Variants in FOXP2 observed in about 807,000 individuals in gnomAD.
FOXP2 encodes the protein forkhead box P2.
A neutral mutation model predicts 115.8 loss-of-function variants in FOXP2; 12 were observed. The ratio of observed to expected loss-of-function variants is 0.10; its 90% CI spans 0.07 to 0.17. The LOEUF (loss-of-function observed/expected upper bound fraction) is 0.17. Among genes scored for constraint, FOXP2 ranks in the 10% least tolerant of loss-of-function variants. The pLI, the probability that FOXP2 is intolerant of heterozygous loss-of-function variation, is 1.00. For missense variants in FOXP2, 629 were observed against 843.5 expected (o/e 0.75, Z 3.15); for synonymous variants, 328 against 297.7 (o/e 1.10, Z -1.05).
chr7:114,334,357 G>C (rs987831028), intron 2 of FOXP2, among the ~76,000 whole-genome samples: 1 of 146,322 alleles, frequency 6.8e-6, no homozygotes, highest in Non-Finnish European at 1.5e-5. Flanking sequence ...TAAGGAAGTA[G>C]CTCCCAAATT....
chr7:114,470,982 A>G (rs907563777), intron 2 of FOXP2, among the ~76,000 whole-genome samples: 1 of 152,042 alleles, frequency 6.6e-6, no homozygotes, highest in African/African-American at 2.4e-5. Flanking sequence ...GAGCTTAAGT[A>G]TCATTTATTT....
intron 3 of FOXP2, among the ~76,000 whole-genome samples, chr7:114,608,796 A>G (rs12705966): frequency 0.24 from 36,029 of 152,154 alleles, 5,709 homozygotes; most frequent in Non-Finnish European, 0.34. Flanking sequence ...AAGGTGTTTT[A>G]TTACATTAAT....
intron 1 of FOXP2, among the ~76,000 whole-genome samples, chr7:114,195,715 T>C (rs560481914): frequency 6.6e-6 from 1 of 152,264 alleles, no homozygotes; most frequent in East Asian, 1.9e-4. Context: ...TTCCTAGGGT[T>C]ATATTGGTTT....
intron 16 of FOXP2, among the ~76,000 whole-genome samples, chr7:114,682,043 A>G (rs570381497): frequency 6.6e-6 from 1 of 152,320 alleles, no homozygotes; most frequent in East Asian, 1.9e-4. Context: ...TGATCCAGGC[A>G]CTATTTCAAG....
At chr7:114,180,919 A>T (rs563264059) in intron 1 of FOXP2, among the ~76,000 whole-genome samples, 109 of 150,654 alleles carry the variant, frequency 7.2e-4, no homozygotes, top group East Asian at 3.1e-3. Context: ...TTACCTTTTT[A>T]AAAAAAAATG....
intron 2 of FOXP2, among the ~76,000 whole-genome samples, chr7:114,344,224 CG>C (rs913629200): frequency 6.6e-6 from 1 of 151,680 alleles, no homozygotes; most frequent in Non-Finnish European, 1.5e-5. Flanking sequence ...TTTTTGGCTT[CG>C]GTTCTATGAT....
chr7:114,452,851 T>C (rs925274439), intron 2 of FOXP2, among the ~76,000 whole-genome samples: 4 of 152,080 alleles, frequency 2.6e-5, no homozygotes, highest in Non-Finnish European at 5.9e-5. Flanking sequence ...ATAGCTGTCA[T>C]GTTAGTTTTC....
At chr7:114,444,344 A>G (rs1276654481) in intron 2 of FOXP2, among the ~76,000 whole-genome samples, 1 of 152,172 alleles carries the variant, frequency 6.6e-6, no homozygotes, top group African/African-American at 2.4e-5. Flanking sequence ...CTGGCTGAAC[A>G]TGGAATGACA....
chr7:114,340,083 A>G (rs1199918767), intron 2 of FOXP2, among the ~76,000 whole-genome samples: 2 of 151,270 alleles, frequency 1.3e-5, no homozygotes, highest in Non-Finnish European at 3.0e-5. Context: ...CAGTCAAAAA[A>G]AACCTCCAAA....
At chr7:114,609,003 A>T (rs1803485467) in intron 3 of FOXP2, among the ~76,000 whole-genome samples, 1 of 152,064 alleles carries the variant, frequency 6.6e-6, no homozygotes. Context: ...TTTCGAGACC[A>T]GCCTGAGCAA....
intron 2 of FOXP2, among the ~76,000 whole-genome samples, chr7:114,359,394 G>A (rs1304623834): frequency 1.3e-5 from 2 of 152,214 alleles, no homozygotes; most frequent in African/African-American, 4.8e-5. Flanking sequence ...GAAATGTGGG[G>A]TGGGAGCCCC....
chr7:114,442,086 T>A (rs6971308), intron 2 of FOXP2, among the ~76,000 whole-genome samples: 7 of 152,092 alleles, frequency 4.6e-5, no homozygotes, highest in Non-Finnish European at 7.4e-5. Context: ...AGCAAAAAAC[T>A]GGAAATACCA....
chr7:114,510,070 A>G (rs1797999788), intron 2 of FOXP2, among the ~76,000 whole-genome samples: 1 of 152,192 alleles, frequency 6.6e-6, no homozygotes, highest in African/African-American at 2.4e-5. Context: ...TTAAATGATG[A>G]GCAAAGAGAA....
chr7:114,234,699 G>T (rs540189450), intron 1 of FOXP2, among the ~76,000 whole-genome samples: 1 of 152,288 alleles, frequency 6.6e-6, no homozygotes, highest in South Asian at 2.1e-4. Flanking sequence ...GCAGAGCCAG[G>T]ATTTCAACTC....
At chr7:114,475,335 T>G (rs1206878620) in intron 2 of FOXP2, among the ~76,000 whole-genome samples, 1 of 152,130 alleles carries the variant, frequency 6.6e-6, no homozygotes, top group Non-Finnish European at 1.5e-5. Context: ...TTTAATGAAG[T>G]CCTTCATGTT....
intron 3 of FOXP2, among the ~76,000 whole-genome samples, chr7:114,625,923 T>C (rs1186226575): frequency 6.6e-6 from 1 of 151,792 alleles, no homozygotes; most frequent in African/African-American, 2.4e-5. Context: ...TTTATGTCTT[T>C]TGTACACATA....
chr7:114,357,615 G>C (rs1791647070), intron 2 of FOXP2, among the ~76,000 whole-genome samples: 1 of 152,102 alleles, frequency 6.6e-6, no homozygotes, highest in Non-Finnish European at 1.5e-5. Context: ...CCAGAAACTG[G>C]AGAGCTTATT....
At chr7:114,482,702 C>G (rs1796611951) in intron 2 of FOXP2, among the ~76,000 whole-genome samples, 1 of 151,520 alleles carries the variant, frequency 6.6e-6, no homozygotes, top group Non-Finnish European at 1.5e-5. Flanking sequence ...TACTGCACAG[C>G]ACACATGCTC....
At chr7:114,271,627 T>C (rs1796048465) in intron 1 of FOXP2, among the ~76,000 whole-genome samples, 2 of 122,328 alleles carry the variant, frequency 1.6e-5, no homozygotes, top group Admixed American at 1.0e-4. Context: ...ATAATTATAT[T>C]ATTAATATAA....
Sources: gnomAD v4.1 joint callset for allele counts (sites outside exome capture counted in the v4.1 genomes callset) on GRCh38, gnomAD v4.1.1 for gene constraint, MANE v1.5 for transcripts, NCBI Gene and HGNC (gene_info 2026-07-23, HGNC 2026-07-21) for gene names.